The following DPP6 variants were observed in gnomAD, a reference collection of about 807,000 sequenced individuals.
The protein encoded by DPP6 is A-type potassium channel modulatory protein DPP6.
A neutral mutation model predicts 122.6 loss-of-function variants in DPP6; 69 were observed. The ratio of observed to expected loss-of-function variants is 0.56; its 90% CI spans 0.46 to 0.69. The LOEUF is 0.69. Among genes scored for constraint, DPP6 ranks in the 30% least tolerant of loss-of-function variants. DPP6 has a pLI of 0.00. For synonymous variants in DPP6, 418 were observed against 433.1 expected, an observed-to-expected ratio of 0.97 and a Z score of 0.43; for missense variants, 928 against 1,116.9, an observed-to-expected ratio of 0.83 and a Z score of 2.41.
At chr7:154,512,223 C>A (rs1826143986) in intron 3 of DPP6, among the ~76,000 whole-genome samples, 2 of 152,128 alleles carry the variant, frequency 1.3e-5, no homozygotes, top group African/African-American at 4.8e-5. Context: ...TAAACAGTTT[C>A]TTTATAAAAG....
chr7:154,853,955 C>A, intron 17 of DPP6, 128 bp downstream of exon 17: 2 of 1,241,982 alleles, frequency 1.6e-6, no homozygotes, highest in South Asian at 1.4e-5. Flanking sequence ...CCTAGCAGTT[C>A]AGAATAGGCC....
intron 1 of DPP6, among the ~76,000 whole-genome samples, chr7:153,972,109 C>T (rs1262208101): frequency 6.6e-6 from 1 of 151,166 alleles, no homozygotes; most frequent in Non-Finnish European, 1.5e-5. Flanking sequence ...TGCTGAGAAA[C>T]AGAAATCTGT....
chr7:153,775,629 C>A, the DPP6 span, among the ~76,000 whole-genome samples: 1 of 152,014 alleles, frequency 6.6e-6, no homozygotes, highest in East Asian at 1.9e-4. Context: ...AAAATTTGAA[C>A]ATAAGAAAAC....
intron 1 of DPP6, among the ~76,000 whole-genome samples, chr7:154,406,070 T>C (rs1816060622): frequency 6.6e-6 from 1 of 152,166 alleles, no homozygotes; most frequent in Non-Finnish European, 1.5e-5. Context: ...TAATGCTAGC[T>C]AAAGGCAAAC....
the DPP6 span, among the ~76,000 whole-genome samples, chr7:153,761,136 T>C: frequency 1.3e-5 from 2 of 152,228 alleles, no homozygotes; most frequent in Non-Finnish European, 2.9e-5. Flanking sequence ...TTCTTCGCTT[T>C]CTTTGATATC....
At chr7:153,839,666 T>C in the DPP6 span, among the ~76,000 whole-genome samples, 1 of 152,202 alleles carries the variant, frequency 6.6e-6, no homozygotes, top group Admixed American at 6.5e-5. Context: ...TAGACATCAA[T>C]AGACTCTTTC....
intron 16 of DPP6, among the ~76,000 whole-genome samples, chr7:154,819,401 G>C (rs1799622126): frequency 6.6e-6 from 1 of 152,244 alleles, no homozygotes; most frequent in East Asian, 1.9e-4. Flanking sequence ...GGCAACAAGA[G>C]TGAAACTCTG....
At chr7:154,812,347 T>C (rs1284872898) in intron 16 of DPP6, among the ~76,000 whole-genome samples, 1 of 152,250 alleles carries the variant, frequency 6.6e-6, no homozygotes, top group Non-Finnish European at 1.5e-5. Context: ...TTATAACTTA[T>C]ATTCAGCAAT....
intron 3 of DPP6, among the ~76,000 whole-genome samples, chr7:154,532,677 C>T (rs1339505448): frequency 6.6e-6 from 1 of 151,844 alleles, no homozygotes; most frequent in African/African-American, 2.4e-5. Context: ...TAAAGCATAA[C>T]CTGTTATCTT....
chr7:154,416,815 A>G (rs1021000477), intron 1 of DPP6, among the ~76,000 whole-genome samples: 1 of 33,462 alleles, frequency 3.0e-5, no homozygotes, highest in African/African-American at 5.9e-5. Context: ...GCAAACATTG[A>G]CCTCAGTGGA....
At chr7:154,882,864 C>T (rs1805511152) in intron 21 of DPP6, among the ~76,000 whole-genome samples, 1 of 152,152 alleles carries the variant, frequency 6.6e-6, no homozygotes, top group Non-Finnish European at 1.5e-5. Flanking sequence ...GGTGCCCCTG[C>T]CCTATTAAAG....
chr7:154,213,255 G>T (rs542229763), intron 1 of DPP6, among the ~76,000 whole-genome samples: 1 of 152,304 alleles, frequency 6.6e-6, no homozygotes, highest in Admixed American at 6.5e-5. Flanking sequence ...GGGGAAGAGA[G>T]TTTGCAAGTA....
chr7:154,868,674 A>C (rs1804105580), intron 18 of DPP6, among the ~76,000 whole-genome samples: 1 of 152,200 alleles, frequency 6.6e-6, no homozygotes, highest in African/African-American at 2.4e-5. Flanking sequence ...CCAGAGCATT[A>C]GCTGGACCTG....
At chr7:154,015,614 C>G (rs1200259310) in intron 1 of DPP6, among the ~76,000 whole-genome samples, 1 of 152,174 alleles carries the variant, frequency 6.6e-6, no homozygotes, top group Non-Finnish European at 1.5e-5. Flanking sequence ...GCTCAAGCCA[C>G]AAGCCCTGGA....
At chr7:153,893,944 G>A (rs1563212970) in intron 1 of DPP6, among the ~76,000 whole-genome samples, 1 of 152,198 alleles carries the variant, frequency 6.6e-6, no homozygotes, top group Non-Finnish European at 1.5e-5. Flanking sequence ...AGTCACTGCA[G>A]GTTGTTTCAG....
At chr7:154,813,557 C>T (rs944454515) in intron 16 of DPP6, among the ~76,000 whole-genome samples, 6 of 152,086 alleles carry the variant, frequency 3.9e-5, no homozygotes, top group Non-Finnish European at 7.4e-5. Flanking sequence ...ATATTTATAT[C>T]TAAAGGACAT....
intron 1 of DPP6, among the ~76,000 whole-genome samples, chr7:154,361,751 G>A (rs1037101113): frequency 9.9e-5 from 15 of 152,144 alleles, no homozygotes; most frequent in African/African-American, 2.4e-4. Context: ...GTAAGCCCTC[G>A]GGCATACACT....
At chr7:154,587,349 A>G (rs1586688668) in intron 5 of DPP6, 5 of 439,578 alleles carry the variant, frequency 1.1e-5, no homozygotes, top group East Asian at 8.5e-5. Context: ...CCTCCCCCCA[A>G]CCATTCCCAC....
the DPP6 span, among the ~76,000 whole-genome samples, chr7:153,855,893 C>T: frequency 2.0e-5 from 3 of 152,100 alleles, no homozygotes; most frequent in African/African-American, 7.2e-5. Context: ...AACTGCATTT[C>T]CCAGTCTTAC....
Sources: allele counts gnomAD v4.1 joint callset (sites outside exome capture counted in the v4.1 genomes callset), GRCh38; gene constraint gnomAD v4.1.1; transcripts MANE v1.5; gene names NCBI Gene and HGNC (gene_info 2026-07-23, HGNC 2026-07-21).